Variants in SHTN1 observed in about 807,000 individuals in gnomAD.
SHTN1 encodes the protein shootin 1.
A neutral mutation model predicts 83.1 loss-of-function variants in SHTN1; 42 were observed. The ratio of observed to expected loss-of-function variants is 0.51; its 90% CI spans 0.39 to 0.65. The LOEUF is 0.65. Among genes scored for constraint, SHTN1 ranks in the 30% least tolerant of loss-of-function variants. The pLI is 0.00. For missense variants in SHTN1, 622 were observed against 737.8 expected, an observed-to-expected ratio of 0.84 and a Z score of 1.82; for synonymous variants, 224 against 247.7, an observed-to-expected ratio of 0.90 and a Z score of 0.90.
At chr10:117,025,060 C>T (rs1852311409) in intron 2 of SHTN1, among the ~76,000 whole-genome samples, 1 of 152,048 alleles carries the variant, frequency 6.6e-6, no homozygotes, top group Admixed American at 6.5e-5. Context: ...TCAAGGACAC[C>T]AATTTAACAA....
At chr10:117,090,030 G>T (rs1478993233) in intron 1 of SHTN1, among the ~76,000 whole-genome samples, 1 of 152,118 alleles carries the variant, frequency 6.6e-6, no homozygotes, top group African/African-American at 2.4e-5. Context: ...GTTCTTCAAA[G>T]AAGATCCTAC....
intron 16 of SHTN1, among the ~76,000 whole-genome samples, chr10:116,887,750 C>T (rs1466509089): frequency 6.6e-6 from 1 of 152,174 alleles, no homozygotes; most frequent in Non-Finnish European, 1.5e-5. Context: ...GCTTTACTCA[C>T]AATTCTATCC....
At chr10:116,940,246 A>C (rs546621624) in intron 9 of SHTN1, among the ~76,000 whole-genome samples, 12 of 152,344 alleles carry the variant, frequency 7.9e-5, no homozygotes, top group African/African-American at 2.2e-4. Context: ...TTTAAAGATT[A>C]TTATAAAGTC....
At chr10:117,091,182 T>A (rs1248752823) in intron 1 of SHTN1, among the ~76,000 whole-genome samples, 3 of 152,226 alleles carry the variant, frequency 2.0e-5, no homozygotes, top group Admixed American at 2.0e-4. Context: ...ATGGAAATAC[T>A]CCTGAGAGTA....
intron 4 of SHTN1, 84 bp downstream of exon 4, chr10:116,960,052 A>G: frequency 1.3e-6 from 1 of 778,282 alleles, no homozygotes; most frequent in Non-Finnish European, 2.2e-6. Context: ...GAAGTAGAAA[A>G]GCAAAACCAG....
At chr10:117,070,999 G>A (rs550583699) in intron 1 of SHTN1, among the ~76,000 whole-genome samples, 67 of 151,766 alleles carry the variant, frequency 4.4e-4, no homozygotes, top group Middle Eastern at 6.8e-3. Context: ...TCAGAAAGAG[G>A]CTTGGAGATA....
At chr10:117,068,561 G>T (rs1853037158) in intron 1 of SHTN1, among the ~76,000 whole-genome samples, 1 of 151,218 alleles carries the variant, frequency 6.6e-6, no homozygotes, top group Admixed American at 6.6e-5. Context: ...AAAGAATGTG[G>T]AACTGAGAAA....
At chr10:117,009,915 GAAAA>G (rs549793103), upstream of SHTN1, among the ~76,000 whole-genome samples, 1 of 146,140 alleles carries the variant, frequency 6.8e-6, no homozygotes. Context: ...AAAAGGAAAA[GAAAA>G]AAAAAACTTA....
At position 117,077,301 on chromosome 10, in the gene SHTN1, T is replaced by C. The variant is rs17095657; in HGVS notation, c.-188-28791A>G. Among the ~76,000 whole-genome samples, 828 of 152,288 alleles carry C rather than the reference T, an allele frequency of 5.4e-3. 34 individuals carry two copies. In the East Asian group the frequency reaches 0.12, roughly 21 times the overall value. ...ACAACGAAGAGCTAAGATGGAAAGA[T>C]AGTGAATGACATGTGACTTCTGACC... is the stretch of plus-strand genomic sequence containing the variant. On this transcript the variant is annotated intron_variant, in intron 1 of 17. Transcript: ENST00000392901.
At position 117,104,753 on chromosome 10, in the gene SHTN1, G is replaced by A. The variant is rs566051197; in HGVS notation, c.-189+21554C>T. ...CGCGCCACTGCACTGCAGCCTGGGC[G>A]ACAGAGCGAGACTCCGTCTCAAAAC... On this transcript the variant is annotated intron_variant, in intron 1 of 17. Transcript: ENST00000392901. Among the ~76,000 whole-genome samples, 38 of 152,208 alleles carry A rather than the reference G, an allele frequency of 2.5e-4. 1 individual carries two copies. Among genetic ancestry groups the A allele is most frequent in the African/African-American group, 8.9e-4 (37 of 41,554 alleles).
At chr10:116,928,219 C>T (rs1848816216) in intron 10 of SHTN1, among the ~76,000 whole-genome samples, 1 of 152,122 alleles carries the variant, frequency 6.6e-6, no homozygotes, top group Middle Eastern at 3.2e-3. Context: ...GTATATGACT[C>T]AAACACTAAG....
At chr10:116,928,343 C>T (rs1462665019) in intron 10 of SHTN1, among the ~76,000 whole-genome samples, 2 of 152,188 alleles carry the variant, frequency 1.3e-5, no homozygotes, top group Admixed American at 6.5e-5. Context: ...CCTTCAAAAA[C>T]TGCAAATACT....
Position 116,882,005 on chromosome 10 carries a change from A to G in SHTN1, c.*4339T>C, listed in dbSNP as rs749954339. ...AACACCCCATCCTTTACCAATCAGA[A>G]TATCTCTGAGAACAAAAACCTAATG... On this transcript the variant is annotated 3_prime_UTR_variant, in exon 17 of 17. Coordinates refer to ENST00000355371, the MANE Select transcript of SHTN1 (RefSeq NM_001127211.3). The G allele has an allele frequency of 1.1e-4, 20 of 189,056 alleles. No homozygotes were observed. The highest frequency in any genetic ancestry group is 3.7e-4 in the South Asian group (2 of 5,344). 11.7% of individuals were successfully genotyped at this position (189,056 alleles called of 1,614,324 possible). A position where few individuals can be genotyped will look rare whatever the true frequency, so the allele number is the denominator to read the frequency against.
chr10:116,886,363 G>A lies in SHTN1; in HGVS notation c.1877C>T (p.Thr626Ile), dbSNP rs552881857. ...TATGGATCAGCAGTTGGAGCTGTCTGTCTCTCTCACGTTTTCAATGCTGTC... is the reference window on the plus strand; with the variant it reads ...TATGGATCAGCAGTTGGAGCTGTCTATCTCTCTCACGTTTTCAATGCTGTC... ...KEDSIENVRE[T>I]DSSNC The change falls in exon 17 of 17, where the codon ACA becomes ATA. Residue 626 changes from threonine to isoleucine, a missense_variant. Physicochemically the swap from Thr to Ile is moderately conservative, Grantham distance 89 (BLOSUM62 -1). This residue lies in a region of SHTN1 where 231 missense variants were observed against 251.6 expected (regional missense o/e 0.92). Coordinates refer to ENST00000355371, the MANE Select transcript of SHTN1 (RefSeq NM_001127211.3). The A allele has an allele frequency of 6.4e-7, 1 of 1,554,526 alleles. No homozygotes were observed. Among genetic ancestry groups the A allele is most frequent in the South Asian group, 1.2e-5 (1 of 84,520 alleles).
At chr10:116,901,499 G>C (rs1160882450) in intron 16 of SHTN1, 6 of 984,962 alleles carry the variant, frequency 6.1e-6, no homozygotes, top group Non-Finnish European at 7.2e-6. Context: ...GTATCATCCA[G>C]ATCAATTATT....
rs574763415 is a variant in SHTN1, at chr10:117,115,419, G to T, written c.-189+10888C>A. On this transcript the variant is annotated intron_variant, in intron 1 of 17. Coordinates refer to the SHTN1 transcript ENST00000392901. ...AAAGGTAATGGCACCTGTCATCAGC[G>T]CTCAGGGAATGTTAGTTTTCTTTCT... is the stretch of plus-strand genomic sequence containing the variant. Among the ~76,000 whole-genome samples, 3 of 152,136 alleles carry T rather than the reference G, an allele frequency of 2.0e-5. No individual in the cohort carries two copies. In the South Asian group the frequency reaches 6.2e-4, roughly 31 times the overall value.
intron 10 of SHTN1, among the ~76,000 whole-genome samples, chr10:116,929,583 C>T (rs371439091): frequency 1.7e-4 from 26 of 152,232 alleles, no homozygotes; most frequent in African/African-American, 5.3e-4. Flanking sequence ...CCTAGGCTAA[C>T]GGTATCTCTG....
chr10:116,940,670 T>G, intron 8 of SHTN1, 58 bp from the exon 9 acceptor site: 1 of 1,341,358 alleles, frequency 7.5e-7, no homozygotes, highest in Non-Finnish European at 1.0e-6. Context: ...CCTCCTCAAC[T>G]GTAACTTCAG....
At chr10:116,960,010 T>A in intron 4 of SHTN1, 126 bp downstream of exon 4, 2 of 575,288 alleles carry the variant, frequency 3.5e-6, no homozygotes, top group African/African-American at 1.9e-5. Flanking sequence ...TTTTAACATT[T>A]CCCTCATCAT....
Sources: allele counts gnomAD v4.1 joint callset (sites outside exome capture counted in the v4.1 genomes callset), GRCh38; gene constraint gnomAD v4.1.1; regional missense constraint gnomAD v4.1.1; transcripts MANE v1.5; gene names NCBI Gene and HGNC (gene_info 2026-07-23, HGNC 2026-07-21).